SYNE2: variants seen among roughly 807,000 people sequenced by gnomAD.
SYNE2 encodes nesprin-2.
In SYNE2, 431 loss-of-function variants were observed where a neutral mutation model predicts 856.3. That is an observed-to-expected ratio of 0.50 (90% confidence interval 0.47 to 0.55). The LOEUF is 0.55. Ranked by LOEUF, SYNE2 falls within the 20% of genes least tolerant of loss-of-function variation. The pLI, the probability that SYNE2 is intolerant of heterozygous loss-of-function variation, is 0.00. For missense variants in SYNE2, 8,129 were observed against 8,023.2 expected, an observed-to-expected ratio of 1.01 and a Z score of -0.50; for synonymous variants, 2,923 against 2,872.3, an observed-to-expected ratio of 1.02 and a Z score of -0.56.
chr14:64,132,998 C>T (rs184158330), intron 77 of SYNE2, among the ~76,000 whole-genome samples: 15 of 151,898 alleles, frequency 9.9e-5, no homozygotes, highest in Admixed American at 3.3e-4. Context: ...GTCAGGAGAT[C>T]GAGACCATCC....
intron 7 of SYNE2, among the ~76,000 whole-genome samples, chr14:63,951,522 C>CA (rs563055802): frequency 3.9e-4 from 59 of 152,264 alleles, no homozygotes; most frequent in Non-Finnish European, 7.5e-4. Flanking sequence ...AGGCTGGTCT[C>CA]AAACTCCTGA....
chr14:63,935,116 G>T (rs1446641551), intron 2 of SYNE2, among the ~76,000 whole-genome samples: 1 of 152,020 alleles, frequency 6.6e-6, no homozygotes, highest in Non-Finnish European at 1.5e-5. Context: ...GATTCTAGGA[G>T]ATTTAGTATA....
intron 1 of SYNE2, among the ~76,000 whole-genome samples, chr14:63,827,623 C>T: frequency 1.6e-4 from 1 of 6,270 alleles, no homozygotes; most frequent in Non-Finnish European, 3.8e-4. Context: ...GAAACTCTGT[C>T]TCAAAAAAAA....
chr14:63,858,022 G>A (rs560851953), intron 1 of SYNE2, among the ~76,000 whole-genome samples: 1 of 152,206 alleles, frequency 6.6e-6, no homozygotes, highest in South Asian at 2.1e-4. Context: ...GGCGACATCT[G>A]GTGAGAGCAT....
At chr14:64,104,462 T>C (rs2097758180) in intron 64 of SYNE2, among the ~76,000 whole-genome samples, 2 of 148,862 alleles carry the variant, frequency 1.3e-5, no homozygotes, top group Admixed American at 1.3e-4. Context: ...TTTTTTTTTT[T>C]TTTTTGAGAC....
chr14:63,891,411 G>T (rs1653776405), intron 1 of SYNE2, among the ~76,000 whole-genome samples: 1 of 152,156 alleles, frequency 6.6e-6, no homozygotes, highest in Non-Finnish European at 1.5e-5. Context: ...ATATACAGGG[G>T]TTGTTAGTAA....
intron 96 of SYNE2, among the ~76,000 whole-genome samples, chr14:64,179,311 G>C (rs2098447983): frequency 6.6e-6 from 1 of 151,936 alleles, no homozygotes; most frequent in Non-Finnish European, 1.5e-5. Context: ...TAATTTTTTT[G>C]TATTTTTAGT....
rs1169202324 is a variant in SYNE2, at chr14:64,203,032, C to A, written c.18201+69C>A. The A allele has an allele frequency of 7.6e-6, 12 of 1,581,630 alleles. No individual in the cohort carries two copies. In the East Asian group the frequency reaches 2.0e-4, roughly 27 times the overall value. ...CGATATGCACTGACTGAGGCCTTCC[C>A]CGTATATCTATGTGTTTTCACGTGC... is the stretch of plus-strand genomic sequence containing the variant. On this transcript the variant is annotated intron_variant, in intron 100 of 115. Transcript: ENST00000555002.
Position 64,097,924 on chromosome 14 carries a change from C to G in SYNE2, c.12109-25C>G, listed in dbSNP as rs752924465. On this transcript the variant is annotated intron_variant, in intron 61 of 115. Transcript: ENST00000555002. Reference sequence around the variant, plus strand: ...TGCAGAGGCCTCAGACTTCTCAAACCTATGCAAACACTCTTTCTACACAGG... The same window carrying G: ...TGCAGAGGCCTCAGACTTCTCAAACGTATGCAAACACTCTTTCTACACAGG... The G allele has an allele frequency of 1.2e-5, 20 of 1,613,624 alleles. No homozygotes were observed. In the South Asian group the frequency reaches 2.0e-4, roughly 16 times the overall value.
chr14:63,778,026 T>G (rs777932754), intron 1 of SYNE2, among the ~76,000 whole-genome samples: 1 of 152,126 alleles, frequency 6.6e-6, no homozygotes, highest in Non-Finnish European at 1.5e-5. Context: ...TGTGAGGCAA[T>G]GGATATATGA....
intron 1 of SYNE2, among the ~76,000 whole-genome samples, chr14:63,854,205 T>C (rs1045746121): frequency 2.0e-4 from 31 of 152,052 alleles, no homozygotes; most frequent in African/African-American, 7.2e-4. Context: ...GAAGCAACTT[T>C]TGTGTGCTTT....
chr14:64,202,112 TGAGGCAGACTGGC>T, intron 99 of SYNE2: 2 of 692,072 alleles, frequency 2.9e-6, no homozygotes, highest in Non-Finnish European at 5.3e-6. Context: ...GGATGGGAGC[TGAGGCAGACTGGC>T]GAGGGAGATC....
chr14:63,792,689 C>T (rs1201465910), intron 1 of SYNE2, among the ~76,000 whole-genome samples: 1 of 151,294 alleles, frequency 6.6e-6, no homozygotes, highest in Non-Finnish European at 1.5e-5. Context: ...TTTTTAGAGA[C>T]AGGGTCTTGC....
At chr14:63,909,894 G>A (rs749356034) in intron 2 of SYNE2, among the ~76,000 whole-genome samples, 4 of 152,208 alleles carry the variant, frequency 2.6e-5, no homozygotes, top group Non-Finnish European at 4.4e-5. Flanking sequence ...TAGGAAGAGA[G>A]GTAATATTAT....
chr14:64,193,387 C>G (rs1269554198), intron 99 of SYNE2, among the ~76,000 whole-genome samples: 1 of 151,914 alleles, frequency 6.6e-6, no homozygotes, highest in East Asian at 1.9e-4. Flanking sequence ...CCATCTCTAC[C>G]AAAAATACAA....
intron 2 of SYNE2, among the ~76,000 whole-genome samples, chr14:63,937,719 A>G (rs2094834): frequency 0.48 from 73,242 of 151,838 alleles, 18,675 homozygotes; most frequent in South Asian, 0.56. Flanking sequence ...AGCACTGTTG[A>G]GTGGGTTTCT....
intron 33 of SYNE2, among the ~76,000 whole-genome samples, chr14:64,017,100 C>T (rs552882928): frequency 7.2e-5 from 11 of 152,030 alleles, no homozygotes; most frequent in South Asian, 4.2e-4. Context: ...GAGGCTGAGA[C>T]GGGTGAATCA....
intron 66 of SYNE2, among the ~76,000 whole-genome samples, chr14:64,118,632 G>A (rs1044850735): frequency 4.6e-5 from 7 of 152,172 alleles, no homozygotes; most frequent in Non-Finnish European, 4.4e-5. Flanking sequence ...GGAGGCCTAG[G>A]TGGGCAGATC....
chr14:64,157,919 T>G (rs2098298660), intron 85 of SYNE2, among the ~76,000 whole-genome samples: 1 of 152,246 alleles, frequency 6.6e-6, no homozygotes, highest in South Asian at 2.1e-4. Context: ...CAGTTTTTAG[T>G]TAGTTTATCT....
Sources: allele counts gnomAD v4.1 joint callset (sites outside exome capture counted in the v4.1 genomes callset), GRCh38; gene constraint gnomAD v4.1.1; transcripts MANE v1.5; gene names NCBI Gene and HGNC (gene_info 2026-07-23, HGNC 2026-07-21).